The following ZNF804B variants were observed in gnomAD, a reference collection of about 807,000 sequenced individuals.
The protein encoded by ZNF804B is zinc finger protein 804B.
A neutral mutation model predicts 101.4 loss-of-function variants in ZNF804B; 80 were observed. The observed-to-expected ratio is 0.79, with a 90% CI of 0.66 to 0.95. The LOEUF (loss-of-function observed/expected upper bound fraction) is 0.95, where lower values mean the gene tolerates loss of function less well. ZNF804B is among the 40% of genes least tolerant of loss of function. The probability of loss-of-function intolerance (pLI) is 0.00; values close to 1 mark genes in which losing one functional copy is unlikely to be tolerated. For missense variants in ZNF804B, 1,673 were observed against 1,561.9 expected (o/e 1.07, Z -1.20); for synonymous variants, 622 against 558.8 (o/e 1.11, Z -1.59).
intron 2 of ZNF804B, among the ~76,000 whole-genome samples, chr7:89,241,920 C>A (rs1342855405): frequency 4.3e-5 from 6 of 140,150 alleles, no homozygotes; most frequent in African/African-American, 1.6e-4. Context: ...CTTAAAGGAA[C>A]AATATGCTAT....
At chr7:88,838,538 T>C (rs1791249253) in intron 1 of ZNF804B, among the ~76,000 whole-genome samples, 1 of 152,006 alleles carries the variant, frequency 6.6e-6, no homozygotes, top group Non-Finnish European at 1.5e-5. Context: ...TGTTTGCTTA[T>C]TTTTAAAGCT....
intron 1 of ZNF804B, among the ~76,000 whole-genome samples, chr7:88,953,052 G>T (rs1793249081): frequency 6.6e-6 from 1 of 151,706 alleles, no homozygotes; most frequent in African/African-American, 2.4e-5. Context: ...CTCTTACCTG[G>T]TGTCAGGATT....
chr7:88,879,642 A>AT (rs1792003370), intron 1 of ZNF804B, among the ~76,000 whole-genome samples: 1 of 152,206 alleles, frequency 6.6e-6, no homozygotes, highest in African/African-American at 2.4e-5. Context: ...TCCAACTCAC[A>AT]TTAAGAACAT....
rs114230986 is a variant in ZNF804B, at chr7:89,027,161, C to G, written c.109-190994C>G. Among the ~76,000 whole-genome samples, 1,504 of 152,126 alleles carry G rather than the reference C, an allele frequency of 9.9e-3. 16 individuals carry two copies. Among genetic ancestry groups the G allele is most frequent in the African/African-American group, 0.035 (1,443 of 41,506 alleles). ...TAAAACACTGACTGAAAAGTATCCA[C>G]TGGATTGTATAAAAAGCAAATCATT... On this transcript the variant is annotated intron_variant, in intron 1 of 3. Transcript: ENST00000333190.
At chr7:89,146,435 G>A (rs1314608719) in intron 1 of ZNF804B, among the ~76,000 whole-genome samples, 1 of 151,978 alleles carries the variant, frequency 6.6e-6, no homozygotes, top group Non-Finnish European at 1.5e-5. Context: ...AATCAACAAT[G>A]GATATAATTG....
intron 2 of ZNF804B, among the ~76,000 whole-genome samples, chr7:89,272,834 G>A (rs573843987): frequency 6.6e-6 from 1 of 152,106 alleles, no homozygotes; most frequent in East Asian, 1.9e-4. Context: ...TTAATTAACT[G>A]TCTTAGACAG....
chr7:89,171,367 C>T (rs2116434649), intron 1 of ZNF804B, among the ~76,000 whole-genome samples: 1 of 119,702 alleles, frequency 8.4e-6, no homozygotes. Flanking sequence ...TCCTCCTCTT[C>T]CTCTTCTTCC....
chr7:88,761,016 G>A (rs1789888120), intron 1 of ZNF804B, among the ~76,000 whole-genome samples: 1 of 150,338 alleles, frequency 6.7e-6, no homozygotes, highest in African/African-American at 2.4e-5. Flanking sequence ...ATAAAAAACA[G>A]TATTTAAGTC....
Position 89,337,469 on chromosome 7 carries a change from G to A in ZNF804B, c.*437G>A, listed in dbSNP as rs1033532848. Among the ~76,000 whole-genome samples the A allele has an allele frequency of 1.3e-5, 2 of 152,072 alleles. No homozygotes were observed. Among genetic ancestry groups the A allele is most frequent in the South Asian group, 2.1e-4 (1 of 4,834 alleles). Reference sequence around the variant, plus strand: ...GATAATAAAAGGTCAGTGAAATGAAGCAATTATTTAAAGTAATTTATGTCG... The same window carrying A: ...GATAATAAAAGGTCAGTGAAATGAAACAATTATTTAAAGTAATTTATGTCG... On this transcript the variant is annotated 3_prime_UTR_variant, in exon 4 of 4. Transcript: ENST00000333190.
chr7:88,965,645 C>T (rs1036606735), intron 1 of ZNF804B, among the ~76,000 whole-genome samples: 3 of 151,444 alleles, frequency 2.0e-5, no homozygotes, highest in African/African-American at 7.3e-5. Flanking sequence ...AAATGCCAAT[C>T]ATGTAAATTG....
At chr7:88,794,248 A>T (rs1790434919) in intron 1 of ZNF804B, 2 of 1,613,562 alleles carry the variant, frequency 1.2e-6, no homozygotes, top group Non-Finnish European at 1.7e-6. Context: ...TCTATTATAC[A>T]TGTTTATAAA....
chr7:88,883,214 A>G (rs1378901922), intron 1 of ZNF804B, among the ~76,000 whole-genome samples: 1 of 152,114 alleles, frequency 6.6e-6, no homozygotes, highest in Non-Finnish European at 1.5e-5. Context: ...GATTATTTAC[A>G]GCCTCCACTG....
intron 1 of ZNF804B, among the ~76,000 whole-genome samples, chr7:88,856,774 A>G (rs916802793): frequency 1.3e-5 from 2 of 152,164 alleles, no homozygotes; most frequent in African/African-American, 4.8e-5. Context: ...ATTTTGAGAT[A>G]CGTCCCATCA....
At chr7:89,330,747 A>C (rs1362092143) in intron 3 of ZNF804B, among the ~76,000 whole-genome samples, 1 of 151,510 alleles carries the variant, frequency 6.6e-6, no homozygotes, top group Admixed American at 6.6e-5. Context: ...TGTAATTATA[A>C]ATGCAGTTTA....
intron 1 of ZNF804B, among the ~76,000 whole-genome samples, chr7:88,776,280 G>A (rs188582933): frequency 3.7e-4 from 56 of 152,268 alleles, no homozygotes; most frequent in Admixed American, 7.8e-4. Context: ...CAGTAGTGAC[G>A]GGGAACTTAA....
At chr7:89,199,005 A>G (rs1417954567) in intron 1 of ZNF804B, among the ~76,000 whole-genome samples, 1 of 151,870 alleles carries the variant, frequency 6.6e-6, no homozygotes, top group Non-Finnish European at 1.5e-5. Flanking sequence ...TGGTGTCCCT[A>G]AAAGGCCATG....
At chr7:89,148,603 G>A (rs62461911) in intron 1 of ZNF804B, among the ~76,000 whole-genome samples, 16,022 of 151,868 alleles carry the variant, frequency 0.11, 937 homozygotes, top group African/African-American at 0.15. Flanking sequence ...ACAAAATAAA[G>A]CTAATTTGAA....
intron 1 of ZNF804B, among the ~76,000 whole-genome samples, chr7:89,049,383 T>G (rs1475599173): frequency 2.9e-4 from 44 of 152,194 alleles, no homozygotes; most frequent in Non-Finnish European, 5.9e-5. Flanking sequence ...GGAGTTGGCC[T>G]GCATGGGTTT....
intron 1 of ZNF804B, among the ~76,000 whole-genome samples, chr7:88,937,115 CA>C (rs3034325): frequency 0.028 from 3,074 of 110,912 alleles, 36 homozygotes; most frequent in African/African-American, 0.044. Flanking sequence ...ATGAGAATAG[CA>C]AAAAAAAAAA....
Sources: allele counts gnomAD v4.1 joint callset (sites outside exome capture counted in the v4.1 genomes callset), GRCh38; gene constraint gnomAD v4.1.1; transcripts MANE v1.5; gene names NCBI Gene and HGNC (gene_info 2026-07-23, HGNC 2026-07-21).